Variants in SAMD9L observed in about 807,000 individuals in gnomAD.
SAMD9L encodes sterile alpha motif domain-containing protein 9-like.
A neutral mutation model predicts 90.7 loss-of-function variants in SAMD9L; 68 were observed. The ratio of observed to expected loss-of-function variants is 0.75; its 90% CI spans 0.62 to 0.92. The LOEUF (loss-of-function observed/expected upper bound fraction) is 0.92, where lower values mean the gene tolerates loss of function less well. Ranked by LOEUF, SAMD9L falls within the 40% of genes least tolerant of loss-of-function variation. SAMD9L has a pLI of 0.00. For missense variants in SAMD9L, 1,604 were observed against 1,824.3 expected, an observed-to-expected ratio of 0.88 and a Z score of 2.20; for synonymous variants, 640 against 630.1, an observed-to-expected ratio of 1.02 and a Z score of -0.23.
chr7:93,140,071 C>T (rs1341764558), intron 4 of SAMD9L, among the ~76,000 whole-genome samples: 1 of 152,178 alleles, frequency 6.6e-6, no homozygotes. Context: ...CAGTCCCCAA[C>T]AGCTTGTCAG....
rs1303751679 is a variant in SAMD9L at position 93,132,294 on chromosome 7, T to G, written c.3678A>C (p.Lys1226Asn). The change falls in exon 5 of 5, where the codon AAA becomes AAC. Residue 1226 changes from lysine (K) to asparagine (N), a missense_variant. This residue lies in a region of SAMD9L where 302 missense variants were observed against 314.7 expected (regional missense o/e 0.96). Coordinates refer to ENST00000318238, the MANE Select transcript of SAMD9L (RefSeq NM_152703.5). ...TTCCTGATAAAAATTGCACCATATG[T>G]TTTTTGGATAATTCATTTTCTTTGT... The part of the protein sequence containing the change: ...FFHKENELSK[K>N]HMVQFLSGKW... 1 of 1,613,674 alleles carries G rather than the reference T, an allele frequency of 6.2e-7. No individual in the cohort carries two copies. The highest frequency in any genetic ancestry group is 1.7e-5 in the Admixed American group (1 of 59,914).
In SAMD9L at chr7:93,134,688, T is replaced by C; in HGVS notation, c.1284A>G (p.Gln428=). The change falls in exon 5 of 5, where the codon CAA becomes CAG. Residue 428 remains glutamine, a synonymous_variant. Transcript: ENST00000318238. ...CTTTTAAAAAATCTAAGTGCTTTAT[T>C]TGGTTTGGATGGCATTTATTTGTTA... ...ILVTNKCHPN[Q]IKHLDFLKEI... The C allele has an allele frequency of 6.2e-7, 1 of 1,613,696 alleles. No homozygotes were observed. Among genetic ancestry groups the C allele is most frequent in the Non-Finnish European group, 8.5e-7 (1 of 1,179,828 alleles).
Position 93,147,121 on chromosome 7 carries a change from A to G in SAMD9L, c.-1017T>C, listed in dbSNP as rs1792922958. On this transcript the variant is annotated 5_prime_UTR_variant, in exon 2 of 5. The change abolishes the stop of an existing upstream ORF in the 5' untranslated region. Transcript: ENST00000318238. ...AGCTGGTGTCCTCTTTCAGAAATTT[A>G]ACCAGCCAGTCTCTCTCTGGAAATG... The G allele has an allele frequency of 6.6e-6, 1 of 152,204 alleles. No homozygotes were observed. The highest frequency in any genetic ancestry group is 1.5e-5 in the Non-Finnish European group (1 of 68,046). The allele number at this position is 152,204 out of a possible 1,614,324, so 9.4% of individuals were successfully genotyped here.
chr7:93,135,012 ATACT>A lies in SAMD9L; in HGVS notation c.956_959del (p.Lys319IlefsTer24). On this transcript the variant is annotated frameshift_variant, in exon 5 of 5. Transcript: ENST00000318238. LOFTEE classifies it low-confidence loss of function (END_TRUNC). ...TACAAATTTGCATCTGAATGTAGAA[ATACT>A]TATCATTACATATAGAGTGTTTTGG... 6.2e-7 allele frequency: 1 copy of A among 1,613,006 alleles called. No homozygotes were observed. The highest frequency in any genetic ancestry group is 8.5e-7 in the Non-Finnish European group (1 of 1,179,024).
At position 93,134,402 on chromosome 7, in the gene SAMD9L, C is replaced by T. The variant is rs575087927; in HGVS notation, c.1570G>A (p.Glu524Lys). 1.2e-6 allele frequency: 2 copies of T among 1,613,506 alleles called. No homozygotes were observed. The highest frequency in any genetic ancestry group is 1.3e-5 in the African/African-American group (1 of 74,976). ...AGAAATAAAATTAGTTTCCTGACTT[C>T]TGAAGCTCTTTCTCTCTGCCATAAA... is the stretch of plus-strand genomic sequence containing the variant. ...PHLWQRERASEVRKLILFLTD... is the reference protein window; with the variant it reads ...PHLWQRERASKVRKLILFLTD... The change falls in exon 5 of 5, where the codon GAA becomes AAA. Residue 524 changes from glutamate to lysine, a missense_variant. By Grantham distance (56) the Glu-to-Lys change is moderately conservative. Around this residue, in one of 7 missense-constraint regions of SAMD9L, gnomAD observed 606 missense variants for 717.6 expected, o/e 0.84. Coordinates refer to ENST00000318238, the MANE Select transcript of SAMD9L (RefSeq NM_152703.5).
Position 93,132,324 on chromosome 7 carries a change from A to G in SAMD9L, c.3648T>C (p.Phe1216=), listed in dbSNP as rs764618638. The stretch of plus-strand genomic sequence containing the variant: ...TGGATAATTCATTTTCTTTGTGGAA[A>G]AAGGGAGTGAGCTGAAGAATCTGGA... ...YTIQILQLTP[F]FHKENELSKK... Residue 1216 remains phenylalanine (F), a synonymous_variant, in exon 5 of 5, where the codon TTT becomes TTC. Transcript: ENST00000318238. 1.9e-6 allele frequency: 3 copies of G among 1,613,866 alleles called. No individual in the cohort carries two copies. In the South Asian group the frequency reaches 3.3e-5, roughly 18 times the overall value.
intron 4 of SAMD9L, among the ~76,000 whole-genome samples, chr7:93,138,185 G>A (rs1010012389): frequency 6.6e-6 from 1 of 152,160 alleles, no homozygotes; most frequent in Non-Finnish European, 1.5e-5. Flanking sequence ...CAGTTCATCT[G>A]TAGTGTAGAC....
intron 4 of SAMD9L, among the ~76,000 whole-genome samples, chr7:93,138,957 G>T (rs559367299): frequency 1.2e-4 from 19 of 152,024 alleles, no homozygotes; most frequent in Non-Finnish European, 2.8e-4. Context: ...CTTTTTTGAA[G>T]TCATTACATA....
At chr7:93,137,994 A>G (rs767725968) in intron 4 of SAMD9L, among the ~76,000 whole-genome samples, 54 of 152,088 alleles carry the variant, frequency 3.6e-4, no homozygotes, top group Non-Finnish European at 7.5e-4. Flanking sequence ...ATAGGCATGC[A>G]ACCACTGAGC....
In SAMD9L at chr7:93,148,180, T is replaced by C. The variant is rs180706552; in HGVS notation, c.-1043+14A>G. 10 of 152,308 alleles carry C rather than the reference T, an allele frequency of 6.6e-5. No individual in the cohort carries two copies. In the East Asian group the frequency reaches 1.9e-3, roughly 29 times the overall value. 9.4% of individuals were successfully genotyped at this position (152,308 alleles called of 1,614,324 possible). A position where few individuals can be genotyped will look rare whatever the true frequency, so the allele number is the denominator to read the frequency against. ...AGCATAACAAATAAAGGTTTAATGA[T>C]TCAGTTTACTTACCAGGATTTTCCT... On this transcript the variant is annotated intron_variant, in intron 1 of 4. Coordinates refer to ENST00000318238, the MANE Select transcript of SAMD9L (RefSeq NM_152703.5).
In SAMD9L at chr7:93,132,530, C is replaced by T. The variant is rs1194410457; in HGVS notation, c.3442G>A (p.Asp1148Asn). Residue 1148 changes from aspartate (D) to asparagine (N), a missense_variant, in exon 5 of 5, where the codon GAC (aspartate) becomes AAC (asparagine). Asp to Asn is a conservative substitution (Grantham distance 23). Transcript: ENST00000318238. ...GCAGCTTCTAGGAGATGTGTTAGGT[C>T]ATTAACAGTAATGCTCCTACAGTTT... Reference protein sequence around the residue: ...NKNCRSITVNDLTHLLEAAEK... With the variant: ...NKNCRSITVNNLTHLLEAAEK... The T allele has an allele frequency of 6.2e-7, 1 of 1,613,814 alleles. No homozygotes were observed. The highest frequency in any genetic ancestry group is 8.5e-7 in the Non-Finnish European group (1 of 1,179,784).
At position 93,135,604 on chromosome 7, in the gene SAMD9L, G is replaced by T. The variant is rs148147724; in HGVS notation, c.368C>A (p.Pro123His). 2 of 1,613,698 alleles carry T rather than the reference G, an allele frequency of 1.2e-6. No individual in the cohort carries two copies. The highest frequency in any genetic ancestry group is 8.5e-7 in the Non-Finnish European group (1 of 1,179,832). ...TTGTTTGATATCTCTGATCTCTCTG[G>T]GATCATAATCAATATTAGATGACAT... ...NSMSSNIDYDPREIRDIKQEE... is the reference protein window; with the variant it reads ...NSMSSNIDYDHREIRDIKQEE... The change falls in exon 5 of 5, where the codon CCC becomes CAC. Residue 123 changes from proline (P) to histidine (H), a missense_variant. This residue lies in a region of SAMD9L where 374 missense variants were observed against 363.6 expected (regional missense o/e 1.03). Coordinates refer to ENST00000318238, the MANE Select transcript of SAMD9L (RefSeq NM_152703.5).
intron 4 of SAMD9L, among the ~76,000 whole-genome samples, chr7:93,144,234 T>A (rs1221327892): frequency 6.6e-6 from 1 of 152,208 alleles, no homozygotes; most frequent in Non-Finnish European, 1.5e-5. Flanking sequence ...TGTTCTGGGA[T>A]AATTTTGAAA....
In SAMD9L at chr7:93,132,647, C is replaced by G. The variant is rs765785470; in HGVS notation, c.3325G>C (p.Ala1109Pro). ...GAATTTTTAGGTGCTTTCATTTTGG[C>G]CTGACGTGCCCAGTCCAGAGCTGTG... The part of the protein sequence containing the change: ...FNTALDWARQ[A>P]KMKAPKNSYI... Residue 1109 changes from alanine (A) to proline (P), a missense_variant, in exon 5 of 5, where the codon GCC becomes CCC. Coordinates refer to ENST00000318238, the MANE Select transcript of SAMD9L (RefSeq NM_152703.5). 2 of 1,613,696 alleles carry G rather than the reference C, an allele frequency of 1.2e-6. No individual in the cohort carries two copies. Among genetic ancestry groups the G allele is most frequent in the Admixed American group, 3.3e-5 (2 of 59,966 alleles).
chr7:93,137,734 GTTT>G (rs61599939), intron 4 of SAMD9L, among the ~76,000 whole-genome samples: 6,618 of 121,950 alleles, frequency 0.054, 192 homozygotes, highest in East Asian at 0.14. Flanking sequence ...AGGAACCTAA[GTTT>G]TTTTTTTTTT....
chr7:93,137,209 T>A (rs1792492159), intron 4 of SAMD9L, among the ~76,000 whole-genome samples: 1 of 152,208 alleles, frequency 6.6e-6, no homozygotes, highest in Non-Finnish European at 1.5e-5. Flanking sequence ...TCTAGCCTGT[T>A]AGAAACTGGG....
chr7:93,136,336 C>T (rs61155866), intron 4 of SAMD9L, among the ~76,000 whole-genome samples: 2,422 of 152,130 alleles, frequency 0.016, 31 homozygotes, highest in East Asian at 0.079. Context: ...AATTGGTTTC[C>T]GTAGCATATA....
chr7:93,141,487 C>T (rs1173607250), intron 4 of SAMD9L, among the ~76,000 whole-genome samples: 2 of 152,192 alleles, frequency 1.3e-5, no homozygotes, highest in Non-Finnish European at 2.9e-5. Flanking sequence ...ATATATGCCC[C>T]TCCCACTCCA....
intron 4 of SAMD9L, among the ~76,000 whole-genome samples, chr7:93,138,537 A>G (rs1205699681): frequency 1.3e-5 from 2 of 152,188 alleles, no homozygotes; most frequent in South Asian, 2.1e-4. Flanking sequence ...GAGGAAGAAG[A>G]GAGTGGGAAC....
Sources: gnomAD v4.1 joint callset for allele counts (sites outside exome capture counted in the v4.1 genomes callset) on GRCh38, gnomAD v4.1.1 for gene constraint, gnomAD v4.1.1 regional missense constraint, MANE v1.5 for transcripts, NCBI Gene and HGNC (gene_info 2026-07-23, HGNC 2026-07-21) for gene names.